The following RASGRP3 variants were observed in gnomAD, a reference collection of about 807,000 sequenced individuals.
RASGRP3 encodes RAS guanyl releasing protein 3.
A neutral mutation model predicts 82.7 loss-of-function variants in RASGRP3; 54 were observed. The observed-to-expected ratio is 0.65, with a 90% CI of 0.52 to 0.82. The LOEUF (loss-of-function observed/expected upper bound fraction) is 0.82, where lower values mean the gene tolerates loss of function less well. RASGRP3 is among the 40% of genes least tolerant of loss of function. The pLI is 0.00. For synonymous variants in RASGRP3, 309 were observed against 300.5 expected (o/e 1.03, Z -0.29); for missense variants, 861 against 828.9 (o/e 1.04, Z -0.48).
chr2:33,440,379 C>T (rs1157410393), intron 1 of RASGRP3, among the ~76,000 whole-genome samples: 1 of 152,216 alleles, frequency 6.6e-6, no homozygotes, highest in Non-Finnish European at 1.5e-5. Context: ...AGTAACATGT[C>T]CATGATCACA....
At chr2:33,546,208 T>G (rs1674725738) in intron 13 of RASGRP3, among the ~76,000 whole-genome samples, 1 of 151,580 alleles carries the variant, frequency 6.6e-6, no homozygotes, top group African/African-American at 2.4e-5. Flanking sequence ...TGGATCACGA[T>G]GTCAGGAGAT....
At chr2:33,452,567 G>T (rs1665856028) in intron 2 of RASGRP3, among the ~76,000 whole-genome samples, 2 of 152,204 alleles carry the variant, frequency 1.3e-5, no homozygotes, top group African/African-American at 4.8e-5. Context: ...GCAGGGGCTG[G>T]CCTGAAGTCT....
chr2:33,437,247 T>G (rs1220340436), intron 1 of RASGRP3, among the ~76,000 whole-genome samples: 2 of 152,214 alleles, frequency 1.3e-5, no homozygotes, highest in African/African-American at 2.4e-5. Context: ...TTTGAGTACC[T>G]TGAAAAATGT....
intron 4 of RASGRP3, 31 bp downstream of exon 4, chr2:33,516,675 A>C (rs1422508854): frequency 1.5e-6 from 2 of 1,377,322 alleles, no homozygotes; most frequent in South Asian, 1.3e-5. Flanking sequence ...TAATTTTTAC[A>C]ATCATAAATC....
At chr2:33,487,947 T>G (rs1422790028) in intron 1 of RASGRP3, among the ~76,000 whole-genome samples, 1 of 152,190 alleles carries the variant, frequency 6.6e-6, no homozygotes, top group Non-Finnish European at 1.5e-5. Context: ...ACTTCATTCC[T>G]AAACATTTCA....
chr2:33,509,239 T>G (rs1348817654), intron 1 of RASGRP3, among the ~76,000 whole-genome samples: 1 of 151,986 alleles, frequency 6.6e-6, no homozygotes, highest in Non-Finnish European at 1.5e-5. Flanking sequence ...CCGTTTCTAC[T>G]AAAAATACAA....
At position 33,523,898 on chromosome 2, in the gene RASGRP3, A is replaced by C; in HGVS notation, c.536A>C (p.Tyr179Ser). The C allele has an allele frequency of 6.2e-7, 1 of 1,612,930 alleles. No homozygotes were observed. The highest frequency in any genetic ancestry group is 1.3e-5 in the African/African-American group (1 of 75,024). ...TCCTAGTTCACTGATTACCAAAGCT[A>C]TGTCATCCATGGCTGCCTGGAGAAT... ...RRISFTDYQS[Y>S]VIHGCLENNP... Residue 179 changes from tyrosine (Y) to serine (S), a missense_variant, in exon 8 of 18, where the codon TAT (tyrosine) becomes TCT (serine). By Grantham distance (144) the Tyr-to-Ser change is moderately radical. Transcript: ENST00000403687.
chr2:33,441,118 C>T (rs752451269), intron 1 of RASGRP3, among the ~76,000 whole-genome samples: 1 of 152,148 alleles, frequency 6.6e-6, no homozygotes, highest in Non-Finnish European at 1.5e-5. Context: ...TCTTGAACTC[C>T]TGACCTCAAA....
Position 33,527,266 on chromosome 2 carries a change from C to T in RASGRP3, c.937C>T (p.His313Tyr). 6.2e-7 allele frequency: 1 copy of T among 1,614,002 alleles called. No homozygotes were observed. The highest frequency in any genetic ancestry group is 8.5e-7 in the Non-Finnish European group (1 of 1,179,888). ...ACACTTGAAAGACTTGATAGCTGTC[C>T]ATGTCATTTTCCCAGACTGGACAGA... The part of the protein sequence containing the change: ...GVHLKDLIAV[H>Y]VIFPDWTEEN... The change falls in exon 10 of 18, where the codon CAT (histidine) becomes TAT (tyrosine). Residue 313 changes from histidine (H) to tyrosine (Y), a missense_variant. Transcript: ENST00000403687.
At chr2:33,545,419 C>A (rs1317414041) in intron 13 of RASGRP3, among the ~76,000 whole-genome samples, 2 of 152,192 alleles carry the variant, frequency 1.3e-5, no homozygotes, top group Non-Finnish European at 2.9e-5. Context: ...GGTTAAATCT[C>A]ATTAAATAGG....
At chr2:33,454,798 T>C (rs1486720912) in intron 2 of RASGRP3, among the ~76,000 whole-genome samples, 1 of 152,136 alleles carries the variant, frequency 6.6e-6, no homozygotes, top group Non-Finnish European at 1.5e-5. Context: ...CCTCAGAAAA[T>C]ATAACTGCTA....
chr2:33,486,164 AT>A (rs11288449), intron 1 of RASGRP3, among the ~76,000 whole-genome samples: 95,291 of 135,370 alleles, frequency 0.7, 33,340 homozygotes, highest in Non-Finnish European at 0.75. Context: ...TCTTTTATTT[AT>A]TTTTTTTTTT....
At chr2:33,492,153 C>G (rs1200073995) in intron 1 of RASGRP3, among the ~76,000 whole-genome samples, 1 of 152,210 alleles carries the variant, frequency 6.6e-6, no homozygotes, top group Non-Finnish European at 1.5e-5. Flanking sequence ...TATTTTTCCT[C>G]TCCTTTTGCA....
intron 8 of RASGRP3, among the ~76,000 whole-genome samples, 169 bp from the exon 9 acceptor site, chr2:33,524,263 T>C (rs1161821720): frequency 1.3e-5 from 2 of 152,372 alleles, no homozygotes; most frequent in Middle Eastern, 3.4e-3. Context: ...GCTATTTCTC[T>C]GTGAAATAAT....
Position 33,544,274 on chromosome 2 carries a change from A to G in RASGRP3, c.1394+647A>G, listed in dbSNP as rs1674535354. 2.0e-5 allele frequency among the ~76,000 whole-genome samples: 3 copies of G among 152,006 alleles called. No homozygotes were observed. The South Asian group carries it at 6.2e-4, about 32-fold the overall frequency. ...GGTTGCAGTGAGCTGAGATAGCACC[A>G]TTGCACCCCAGTCTGGGTGACTGAG... On this transcript the variant is annotated intron_variant, in intron 13 of 17. Coordinates refer to ENST00000403687, the MANE Select transcript of RASGRP3 (RefSeq NM_001139488.2).
intron 2 of RASGRP3, among the ~76,000 whole-genome samples, chr2:33,467,783 G>A (rs1574263883): frequency 1.3e-5 from 2 of 152,158 alleles, no homozygotes; most frequent in Non-Finnish European, 2.9e-5. Context: ...TACCTAAGGC[G>A]GTGGCTCAGA....
intron 2 of RASGRP3, among the ~76,000 whole-genome samples, chr2:33,454,845 A>T (rs1665958980): frequency 6.6e-6 from 1 of 152,246 alleles, no homozygotes. Context: ...TATTTGCCAC[A>T]GAAAAAGGAT....
chr2:33,505,871 C>G (rs1670323406), intron 1 of RASGRP3, among the ~76,000 whole-genome samples: 1 of 152,146 alleles, frequency 6.6e-6, no homozygotes, highest in Non-Finnish European at 1.5e-5. Flanking sequence ...CGGCTGCAGC[C>G]AAATGCTAGG....
intron 1 of RASGRP3, among the ~76,000 whole-genome samples, chr2:33,442,471 G>A (rs1280124372): frequency 6.6e-6 from 1 of 152,222 alleles, no homozygotes; most frequent in African/African-American, 2.4e-5. Context: ...AACCCAGTAT[G>A]TTTTCAAAAT....
Sources: allele counts gnomAD v4.1 joint callset (sites outside exome capture counted in the v4.1 genomes callset), GRCh38; gene constraint gnomAD v4.1.1; transcripts MANE v1.5; gene names NCBI Gene and HGNC (gene_info 2026-07-23, HGNC 2026-07-21).